Variants in CFAP69 observed in about 807,000 individuals in gnomAD.
CFAP69 encodes cilia- and flagella-associated protein 69.
Under a neutral mutation model 123.0 loss-of-function variants are expected in CFAP69, and 92 were observed. The observed-to-expected ratio is 0.75, with a 90% confidence interval of 0.63 to 0.89. The LOEUF (loss-of-function observed/expected upper bound fraction) is 0.89, where lower values mean the gene tolerates loss of function less well. Among genes scored for constraint, CFAP69 ranks in the 40% least tolerant of loss-of-function variants. The pLI, the probability that CFAP69 is intolerant of heterozygous loss-of-function variation, is 0.00. For missense variants in CFAP69, 1,067 were observed against 1,096.9 expected (o/e 0.97, Z 0.39); for synonymous variants, 380 against 364.3 (o/e 1.04, Z -0.49).
At chr7:90,309,126 T>G (rs1423399477) in intron 21 of CFAP69, 137 bp from the exon 22 acceptor site, 1 of 453,750 alleles carries the variant, frequency 2.2e-6, no homozygotes, top group African/African-American at 2.0e-5. Flanking sequence ...TCTAAATGAG[T>G]AAATGCAGAT....
At position 90,256,283 on chromosome 7, in the gene CFAP69, A is replaced by T. The variant is rs74524834; in HGVS notation, c.180+801A>T. Among the ~76,000 whole-genome samples, 797 of 152,284 alleles carry T rather than the reference A, an allele frequency of 5.2e-3. 6 individuals carry two copies. The highest frequency in any genetic ancestry group is 0.018 in the African/African-American group (765 of 41,570). On this transcript the variant is annotated intron_variant, in intron 2 of 22. Transcript: ENST00000389297. ...CTCAGCAAACTAACACAGGAACAGA[A>T]ATCCAAACACTGCATGTTCTCACTG...
chr7:90,270,762 A>G (rs1298944963), intron 6 of CFAP69, among the ~76,000 whole-genome samples: 2 of 152,164 alleles, frequency 1.3e-5, no homozygotes, highest in Non-Finnish European at 2.9e-5. Context: ...TCATCTCAGT[A>G]AATGAGGACC....
chr7:90,298,501 C>G (rs1409894863), intron 16 of CFAP69, among the ~76,000 whole-genome samples: 1 of 152,182 alleles, frequency 6.6e-6, no homozygotes, highest in African/African-American at 2.4e-5. Flanking sequence ...CGCTCCCTGT[C>G]CGTGATTCTA....
downstream of CFAP69, among the ~76,000 whole-genome samples, chr7:90,311,559 G>A (rs1465161417): frequency 6.6e-6 from 1 of 152,134 alleles, no homozygotes; most frequent in African/African-American, 2.4e-5. Context: ...GATAAGAGCA[G>A]GCTCTATCAC....
At chr7:90,268,166 C>G (rs1799423982) in intron 5 of CFAP69, 120 bp from the exon 6 acceptor site, 2 of 617,540 alleles carry the variant, frequency 3.2e-6, no homozygotes, top group Non-Finnish European at 5.5e-6. Flanking sequence ...TGAACATGAT[C>G]CAGTTTGAAT....
chr7:90,274,124 A>C lies in CFAP69; in HGVS notation c.984+14A>C, dbSNP rs1800392508. On this transcript the variant is annotated intron_variant, in intron 9 of 22. Coordinates refer to ENST00000389297, the MANE Select transcript of CFAP69 (RefSeq NM_001039706.3). ...GCACCAATGATTGTAAGTATGAATC[A>C]AATTGCATTAATTTTAATTGTGGAA... 1 of 1,589,978 alleles carries C rather than the reference A, an allele frequency of 6.3e-7. No homozygotes were observed. The highest frequency in any genetic ancestry group is 8.5e-7 in the Non-Finnish European group (1 of 1,172,904).
chr7:90,267,059 A>G (rs1440596379), intron 5 of CFAP69, among the ~76,000 whole-genome samples: 1 of 152,204 alleles, frequency 6.6e-6, no homozygotes, highest in African/African-American at 2.4e-5. Flanking sequence ...AAGCCTGCAT[A>G]TTTGGATAGT....
At chr7:90,299,639 TATA>T (rs1792476576) in intron 16 of CFAP69, among the ~76,000 whole-genome samples, 2 of 152,164 alleles carry the variant, frequency 1.3e-5, no homozygotes, top group Non-Finnish European at 2.9e-5. Context: ...GATATATGTT[TATA>T]ATGACTTCAG....
Position 90,304,037 on chromosome 7 carries a change from C to A in CFAP69, c.2119C>A (p.Pro707Thr), listed in dbSNP as rs1409516514. 6.4e-7 allele frequency: 1 copy of A among 1,550,964 alleles called. No homozygotes were observed. The highest frequency in any genetic ancestry group is 8.7e-7 in the Non-Finnish European group (1 of 1,146,598). ...AATCATCCCACTGCCTGCTAACTGC[C>A]CATCTATTGCGGTTATGGATGTTTC... is the stretch of plus-strand genomic sequence containing the variant. ...QKIIPLPANC[P>T]SIAVMDVSEN... Residue 707 changes from proline to threonine, a missense_variant, in exon 18 of 23, where the codon CCA (proline) becomes ACA (threonine). Transcript: ENST00000389297.
intron 21 of CFAP69, among the ~76,000 whole-genome samples, chr7:90,308,608 C>T (rs1449322007): frequency 2.0e-5 from 3 of 152,048 alleles, no homozygotes; most frequent in Non-Finnish European, 4.4e-5. Context: ...ATAGCAAAAC[C>T]AAATTTAAGA....
the CFAP69 span, chr7:90,317,691 C>T: frequency 1.3e-5 from 2 of 152,170 alleles, no homozygotes; most frequent in East Asian, 3.9e-4. Context: ...GTCTATACAT[C>T]ATCAGAATTT....
At chr7:90,275,716 C>T (rs928827197) in intron 9 of CFAP69, among the ~76,000 whole-genome samples, 1 of 149,720 alleles carries the variant, frequency 6.7e-6, no homozygotes, top group Non-Finnish European at 1.5e-5. Context: ...ATTCTCCTGC[C>T]TCAGTCTCCT....
Position 90,274,004 on chromosome 7 carries a change from T to G in CFAP69, c.878T>G (p.Phe293Cys), listed in dbSNP as rs765007571. ...LECLLALKEV[F>C]KNLFMRGFSH... is the part of the protein sequence containing the mutation. Reference sequence around the variant, plus strand: ...CTTTCTAGGGCTTTGAAGGAAGTATTTAAAAATCTGTTTATGAGAGGTTTC... The same window carrying G: ...CTTTCTAGGGCTTTGAAGGAAGTATGTAAAAATCTGTTTATGAGAGGTTTC... The change falls in exon 9 of 23, where the codon TTT becomes TGT. Residue 293 changes from phenylalanine (F) to cysteine (C), a missense_variant. Coordinates refer to ENST00000389297, the MANE Select transcript of CFAP69 (RefSeq NM_001039706.3). 6.3e-7 allele frequency: 1 copy of G among 1,598,450 alleles called. No individual in the cohort carries two copies. Among genetic ancestry groups the G allele is most frequent in the Non-Finnish European group, 8.5e-7 (1 of 1,173,966 alleles).
chr7:90,266,918 T>G (rs919443185), intron 5 of CFAP69, among the ~76,000 whole-genome samples: 2 of 152,178 alleles, frequency 1.3e-5, no homozygotes, highest in Non-Finnish European at 2.9e-5. Flanking sequence ...GAGGCAAGAT[T>G]CTGGAAATGG....
At chr7:90,293,576 GA>G (rs1287581919) in intron 15 of CFAP69, among the ~76,000 whole-genome samples, 3 of 150,778 alleles carry the variant, frequency 2.0e-5, no homozygotes, top group Admixed American at 6.6e-5. Flanking sequence ...TTTAATGTAG[GA>G]AAAAAAAATC....
At chr7:90,283,442 T>C (rs945713749) in intron 13 of CFAP69, among the ~76,000 whole-genome samples, 14 of 152,154 alleles carry the variant, frequency 9.2e-5, no homozygotes, top group Admixed American at 5.9e-4. Flanking sequence ...ACTGGTACAT[T>C]GGTATTTACA....
Position 90,264,104 on chromosome 7 carries a change from A to AATAT in CFAP69, c.357-1154_357-1151dup, listed in dbSNP as rs71104454. Among the ~76,000 whole-genome samples, 130 of 48,786 alleles carry AATAT rather than the reference A, an allele frequency of 2.7e-3. 2 individuals are homozygous for AATAT. Among genetic ancestry groups the AATAT allele is most frequent in the Non-Finnish European group, 3.7e-3 (91 of 24,760 alleles). The allele number at this position is 48,786 out of a possible 152,430, so 32.0% of individuals were successfully genotyped here. ...AGACTCCATCTCGAAAAAAAAAAAA[A>AATAT]ATATATATATATATATATATATATA... On this transcript the variant is annotated intron_variant, in intron 4 of 22. Coordinates refer to ENST00000389297, the MANE Select transcript of CFAP69 (RefSeq NM_001039706.3).
intron 8 of CFAP69, 102 bp from the exon 9 acceptor site, chr7:90,273,885 A>G: frequency 2.2e-6 from 2 of 916,980 alleles, no homozygotes; most frequent in Non-Finnish European, 3.2e-6. Context: ...CACTCCTAAA[A>G]CCATCACATT....
intron 11 of CFAP69, among the ~76,000 whole-genome samples, 157 bp from the exon 12 acceptor site, chr7:90,279,519 GT>G (rs1554364557): frequency 6.0e-4 from 88 of 147,352 alleles, no homozygotes; most frequent in African/African-American, 2.1e-3. Flanking sequence ...AATTTTTGGT[GT>G]TTTTTTTTTG....
Sources: allele counts gnomAD v4.1 joint callset (sites outside exome capture counted in the v4.1 genomes callset), GRCh38; gene constraint gnomAD v4.1.1; transcripts MANE v1.5; gene names NCBI Gene and HGNC (gene_info 2026-07-23, HGNC 2026-07-21).